Variants in MROH9 observed in about 807,000 individuals in gnomAD.
MROH9 encodes the protein maestro heat-like repeat-containing protein family member 9.
In MROH9, 92 loss-of-function variants were observed where a neutral mutation model predicts 98.2. The ratio of observed to expected loss-of-function variants is 0.94; its 90% CI spans 0.79 to 1.11. The LOEUF is 1.11. Among genes scored for constraint, MROH9 ranks in the 50% most tolerant of loss-of-function variants. MROH9 has a pLI of 0.00. For synonymous variants in MROH9, 397 were observed against 368.9 expected, an observed-to-expected ratio of 1.08 and a Z score of -0.87; for missense variants, 1,057 against 1,014.8, an observed-to-expected ratio of 1.04 and a Z score of -0.57.
intron 15 of MROH9, among the ~76,000 whole-genome samples, chr1:171,012,263 A>C (rs546752352): frequency 2.6e-5 from 4 of 151,832 alleles, no homozygotes; most frequent in Non-Finnish European, 5.9e-5. Context: ...TTATATCACA[A>C]ATTTTTGAAG....
At chr1:170,993,800 T>C (rs1651455569) in intron 12 of MROH9, among the ~76,000 whole-genome samples, 1 of 152,216 alleles carries the variant, frequency 6.6e-6, no homozygotes, top group African/African-American at 2.4e-5. Context: ...CCAGCTCTTA[T>C]GAACCACCTC....
chr1:170,960,473 T>C (rs1649976658), intron 5 of MROH9, among the ~76,000 whole-genome samples: 1 of 152,220 alleles, frequency 6.6e-6, no homozygotes, highest in African/African-American at 2.4e-5. Context: ...CCATGTTTAT[T>C]AATGTTACAT....
At chr1:170,992,946 C>T (rs909867128) in intron 12 of MROH9, among the ~76,000 whole-genome samples, 31 of 152,124 alleles carry the variant, frequency 2.0e-4, no homozygotes, top group African/African-American at 7.5e-4. Flanking sequence ...ACCAAAATCA[C>T]CACTCCTGGG....
Position 171,024,450 on chromosome 1 carries a change from A to C in MROH9, c.1964A>C (p.Asp655Ala). 2 of 1,551,412 alleles carry C rather than the reference A, an allele frequency of 1.3e-6. No homozygotes were observed. The highest frequency in any genetic ancestry group is 4.9e-5 in the East Asian group (2 of 40,890). ...AIRHFGQLVR[D>A]MRQYTWMVND... ...CGACACTTTGGTCAATTAGTTAGGGATATGAGACAGTACACATGGATGGTG... is the reference window on the plus strand; with the variant it reads ...CGACACTTTGGTCAATTAGTTAGGGCTATGAGACAGTACACATGGATGGTG... The change falls in exon 18 of 22, where the codon GAT (aspartate) becomes GCT (alanine). Residue 655 changes from aspartate (D) to alanine (A), a missense_variant. Coordinates refer to ENST00000367759, the MANE Select transcript of MROH9 (RefSeq NM_001163629.2).
intron 15 of MROH9, among the ~76,000 whole-genome samples, chr1:170,999,900 T>C (rs890887380): frequency 2.0e-5 from 3 of 152,152 alleles, no homozygotes; most frequent in African/African-American, 7.2e-5. Flanking sequence ...TGGTATTGCA[T>C]TGTGGTTTTG....
intron 1 of MROH9, among the ~76,000 whole-genome samples, chr1:170,937,475 C>T (rs1476542610): frequency 6.6e-6 from 1 of 150,458 alleles, no homozygotes; most frequent in African/African-American, 2.4e-5. Context: ...ATAATTATTA[C>T]AGTCTTCATT....
chr1:171,014,776 T>C (rs1265724101), intron 16 of MROH9, among the ~76,000 whole-genome samples: 1 of 152,236 alleles, frequency 6.6e-6, no homozygotes, highest in Non-Finnish European at 1.5e-5. Context: ...ACTCATATTT[T>C]ATACCAGTGT....
At position 170,986,646 on chromosome 1, in the gene MROH9, T is replaced by C. The variant is rs769761254; in HGVS notation, c.815T>C (p.Ile272Thr). The C allele has an allele frequency of 9.3e-6, 15 of 1,613,826 alleles. No homozygotes were observed. In the African/African-American group the frequency reaches 1.9e-4, roughly 20 times the overall value. ...AAACTCTCTTCACCTGATGATAAAA[T>C]CGCATCTGATGCAGCATCCATACTG... ...LMKLSSPDDK[I>T]ASDAASILIF... Residue 272 changes from isoleucine to threonine, a missense_variant, in exon 10 of 22, where the codon ATC (isoleucine) becomes ACC (threonine). By Grantham distance (89) the Ile-to-Thr change is moderately conservative. Coordinates refer to ENST00000367759, the MANE Select transcript of MROH9 (RefSeq NM_001163629.2).
chr1:170,963,694 G>C (rs1221890118), intron 6 of MROH9, among the ~76,000 whole-genome samples: 1 of 152,076 alleles, frequency 6.6e-6, no homozygotes, highest in Non-Finnish European at 1.5e-5. Flanking sequence ...AATTTGGATG[G>C]AGCTGGAAGC....
At chr1:171,029,906 CTG>C (rs761599899) in intron 20 of MROH9, among the ~76,000 whole-genome samples, 45 of 152,270 alleles carry the variant, frequency 3.0e-4, no homozygotes, top group Non-Finnish European at 5.0e-4. Flanking sequence ...TAGAATTCAA[CTG>C]TGAGTCCATC....
chr1:170,973,279 G>T (rs1259626377), intron 8 of MROH9, among the ~76,000 whole-genome samples: 1 of 152,128 alleles, frequency 6.6e-6, no homozygotes, highest in African/African-American at 2.4e-5. Flanking sequence ...TAGAGAAAAA[G>T]ATTCAGTGCT....
chr1:170,935,962 A>G (rs1348742481), intron 1 of MROH9, among the ~76,000 whole-genome samples: 2 of 132,562 alleles, frequency 1.5e-5, no homozygotes, highest in Non-Finnish European at 3.1e-5. Flanking sequence ...ACTGCACTCC[A>G]GCCTGGCAAC....
At chr1:171,042,976 A>G (rs927596564) in intron 20 of MROH9, among the ~76,000 whole-genome samples, 3 of 151,934 alleles carry the variant, frequency 2.0e-5, no homozygotes, top group African/African-American at 7.3e-5. Context: ...TGCTGTCCAG[A>G]TCTTTTTAAC....
chr1:170,970,731 T>TGAGAGAGA (rs1199063303), intron 7 of MROH9, among the ~76,000 whole-genome samples: 2,431 of 90,644 alleles, frequency 0.027, 77 homozygotes, highest in African/African-American at 0.057. Flanking sequence ...TGTGTGTGTG[T>TGAGAGAGA]GAGAGAGAGA....
chr1:170,987,716 C>A (rs777818678), intron 10 of MROH9, among the ~76,000 whole-genome samples: 2 of 152,168 alleles, frequency 1.3e-5, no homozygotes, highest in African/African-American at 2.4e-5. Context: ...ATACGTATTA[C>A]ATTCTTTCCA....
chr1:170,957,795 GT>G (rs71573033), intron 3 of MROH9, among the ~76,000 whole-genome samples: 17,448 of 124,612 alleles, frequency 0.14, 1,133 homozygotes, highest in African/African-American at 0.15. Context: ...GCATTTTTTT[GT>G]TTTTTTTTTT....
chr1:171,048,526 G>A (rs537248310), intron 20 of MROH9, among the ~76,000 whole-genome samples: 10 of 152,146 alleles, frequency 6.6e-5, no homozygotes, highest in East Asian at 1.9e-4. Context: ...CCTGGCCCAC[G>A]ATTCACCCTT....
chr1:170,955,830 G>A (rs1649738080), intron 3 of MROH9, among the ~76,000 whole-genome samples: 1 of 152,032 alleles, frequency 6.6e-6, no homozygotes, highest in Non-Finnish European at 1.5e-5. Flanking sequence ...TTAAGTCCCA[G>A]CTATTTATCT....
chr1:171,029,150 C>T (rs186080921), intron 20 of MROH9, among the ~76,000 whole-genome samples: 2 of 152,146 alleles, frequency 1.3e-5, no homozygotes, highest in East Asian at 3.9e-4. Flanking sequence ...ATGATATTGG[C>T]TGTGGGTTTG....
Sources: allele counts gnomAD v4.1 joint callset (sites outside exome capture counted in the v4.1 genomes callset), GRCh38; gene constraint gnomAD v4.1.1; transcripts MANE v1.5; gene names NCBI Gene and HGNC (gene_info 2026-07-23, HGNC 2026-07-21).